Variants in ERAP1 observed in about 807,000 individuals in gnomAD.
ERAP1 encodes the protein adipocyte-derived leucine aminopeptidase.
ERAP1 carries 86 observed loss-of-function variants against 103.7 expected under a neutral mutation model. That is an observed-to-expected ratio of 0.83 (90% confidence interval 0.70 to 0.99). ERAP1 has a LOEUF of 0.99. Ranked by LOEUF, ERAP1 falls within the 50% of genes least tolerant of loss-of-function variation. The probability of loss-of-function intolerance (pLI) is 0.00; values close to 1 mark genes in which losing one functional copy is unlikely to be tolerated. For missense variants in ERAP1, 1,009 were observed against 1,128.4 expected, an observed-to-expected ratio of 0.89 and a Z score of 1.52; for synonymous variants, 398 against 402.4, an observed-to-expected ratio of 0.99 and a Z score of 0.13.
intron 2 of ERAP1, among the ~76,000 whole-genome samples, chr5:96,801,498 CAG>C (rs1554042648): frequency 2.5e-4 from 37 of 150,170 alleles, no homozygotes; most frequent in African/African-American, 9.0e-4. Context: ...AAGTAAAAAA[CAG>C]GGAAAATTCA....
chr5:96,896,405 A>G, the ERAP1 span: 1 of 1,611,900 alleles, frequency 6.2e-7, no homozygotes, highest in African/African-American at 1.3e-5. Context: ...GTTTTGAAGT[A>G]ATTACAAAAG....
chr5:96,901,612 G>A, the ERAP1 span: 15 of 1,613,986 alleles, frequency 9.3e-6, no homozygotes, highest in South Asian at 5.5e-5. Context: ...TGTTCACTCC[G>A]ACTGCAACAG....
intron 2 of ERAP1, 87 bp downstream of exon 2, chr5:96,803,316 G>A (rs1253076387): frequency 1.4e-6 from 2 of 1,405,632 alleles, no homozygotes; most frequent in Admixed American, 2.0e-5. Context: ...CAACAGCAAA[G>A]GGAATTTTAA....
downstream of ERAP1, chr5:96,771,776 T>A: frequency 1.1e-6 from 1 of 886,324 alleles, no homozygotes; most frequent in Non-Finnish European, 1.9e-6. Flanking sequence ...ATGAGAGAAG[T>A]GAAGTCCACC....
rs73144444 is a variant in ERAP1, at chr5:96,778,915, G to A, written c.2670+1508C>T. On this transcript the variant is annotated intron_variant, in intron 18 of 18. Transcript: ENST00000443439. Reference sequence around the variant, plus strand: ...GATGACTCCCGTATTTTATATGTCCGTAGTTTGCTCTCCATTATGATAACA... The same window carrying A: ...GATGACTCCCGTATTTTATATGTCCATAGTTTGCTCTCCATTATGATAACA... 5.9e-3 allele frequency among the ~76,000 whole-genome samples: 903 copies of A among 152,260 alleles called. 10 individuals are homozygous for A. Among genetic ancestry groups the A allele is most frequent in the African/African-American group, 0.021 (853 of 41,548 alleles).
the ERAP1 span, chr5:96,895,108 T>C: frequency 1.7e-6 from 1 of 573,110 alleles, no homozygotes; most frequent in Non-Finnish European, 3.0e-6. Flanking sequence ...AAGAAAATTG[T>C]ACAGAGAGAA....
chr5:96,926,375 C>T, the ERAP1 span, among the ~76,000 whole-genome samples: 4 of 152,184 alleles, frequency 2.6e-5, no homozygotes, highest in East Asian at 5.8e-4. Flanking sequence ...AGTATAGTCA[C>T]AGGGTTGAGT....
At position 96,783,856 on chromosome 5, in the gene ERAP1, T is replaced by C. The variant is rs442120; in HGVS notation, c.2100+68A>G. 5.2e-4 allele frequency: 182 copies of C among 351,662 alleles called. 3 individuals carry two copies. The East Asian group carries it at 5.4e-3, about 10-fold the overall frequency. The allele number at this position is 351,662 out of a possible 1,614,324, so 21.8% of individuals were successfully genotyped here. On this transcript the variant is annotated intron_variant, in intron 14 of 18. Transcript: ENST00000443439. ...ACACACACACACACACACACACACA[T>C]ACACACACAATGATTAACACTTTTT...
At chr5:96,854,331 G>T in the ERAP1 span, among the ~76,000 whole-genome samples, 1 of 152,020 alleles carries the variant, frequency 6.6e-6, no homozygotes, top group Non-Finnish European at 1.5e-5. Context: ...GATACCTCAA[G>T]TATGTAAACA....
exon 20 of ERAP1, chr5:96,760,903 A>G (rs1174216106): frequency 2.6e-5 from 4 of 151,988 alleles, no homozygotes; most frequent in Non-Finnish European, 4.4e-5. Context: ...ATAAATGTAT[A>G]AAATATGAAA....
At chr5:96,919,410 T>C in the ERAP1 span, 1 of 152,336 alleles carries the variant, frequency 6.6e-6, no homozygotes, top group Non-Finnish European at 1.5e-5. Flanking sequence ...TATTTTAGCA[T>C]AAGGAAATTG....
intron 2 of ERAP1, 97 bp downstream of exon 2, chr5:96,803,306 C>G: frequency 7.5e-7 from 1 of 1,338,876 alleles, no homozygotes; most frequent in Non-Finnish European, 1.0e-6. Context: ...AGAAAAAGTT[C>G]AACAGCAAAG....
chr5:96,857,517 T>TA, the ERAP1 span, among the ~76,000 whole-genome samples: 3 of 152,026 alleles, frequency 2.0e-5, no homozygotes, highest in African/African-American at 7.2e-5. Flanking sequence ...AAGCTAAAAA[T>TA]AAAAAACTAC....
intron 1 of ERAP1, among the ~76,000 whole-genome samples, chr5:96,806,961 T>G (rs944595206): frequency 1.0e-5 from 1 of 95,576 alleles, no homozygotes; most frequent in African/African-American, 3.3e-5. Flanking sequence ...ATTTTCAAGT[T>G]TTTTGTTTTG....
chr5:96,879,769 C>T, the ERAP1 span: 7 of 1,614,088 alleles, frequency 4.3e-6, no homozygotes, highest in South Asian at 4.4e-5. Flanking sequence ...TAACAGCCAT[C>T]TTGCCCCAAA....
the ERAP1 span, chr5:96,889,106 CT>C: frequency 6.5e-7 from 1 of 1,542,978 alleles, no homozygotes; most frequent in African/African-American, 1.4e-5. Context: ...GTCTGCCTTT[CT>C]GTGTGAGAGG....
At chr5:96,916,041 T>C in the ERAP1 span, among the ~76,000 whole-genome samples, 1 of 151,964 alleles carries the variant, frequency 6.6e-6, no homozygotes, top group Admixed American at 6.6e-5. Context: ...GCCAATATGG[T>C]GAAACCCTGT....
intron 1 of ERAP1, among the ~76,000 whole-genome samples, chr5:96,806,314 A>G (rs544372652): frequency 6.6e-6 from 1 of 152,344 alleles, no homozygotes; most frequent in South Asian, 2.1e-4. Context: ...TCTCAAAAAC[A>G]GTAGTCTACT....
the ERAP1 span, chr5:96,912,794 C>A: frequency 6.3e-7 from 1 of 1,594,324 alleles, no homozygotes; most frequent in Non-Finnish European, 8.5e-7. Flanking sequence ...GGAAAAGTTA[C>A]TGAAGTAAGT....
Sources: gnomAD v4.1 joint callset for allele counts (sites outside exome capture counted in the v4.1 genomes callset) on GRCh38, gnomAD v4.1.1 for gene constraint, MANE v1.5 for transcripts, NCBI Gene and HGNC (gene_info 2026-07-23, HGNC 2026-07-21) for gene names.